Variants in TOX2 observed in about 807,000 individuals in gnomAD.
TOX2 encodes the protein granulosa cell HMG box 1.
TOX2 carries 15 observed loss-of-function variants against 47.4 expected under a neutral mutation model. That is an observed-to-expected ratio of 0.32 (90% CI 0.21 to 0.49). TOX2 has a LOEUF of 0.49. Among genes scored for constraint, TOX2 ranks in the 20% least tolerant of loss-of-function variants. TOX2 has a pLI of 0.99. For missense variants in TOX2, 622 were observed against 673.1 expected, an observed-to-expected ratio of 0.92 and a Z score of 0.84; for synonymous variants, 290 against 296.6, an observed-to-expected ratio of 0.98 and a Z score of 0.23.
chr20:44,049,075 T>C (rs1441765104), intron 3 of TOX2, among the ~76,000 whole-genome samples: 1 of 152,200 alleles, frequency 6.6e-6, no homozygotes, highest in Non-Finnish European at 1.5e-5. Flanking sequence ...GCCACTGCAC[T>C]CCAGCCTGCG....
At chr20:43,945,564 G>A (rs2069454176) in intron 1 of TOX2, 4 of 255,030 alleles carry the variant, frequency 1.6e-5, no homozygotes, top group Admixed American at 9.5e-5. Flanking sequence ...TTTGCCTTCC[G>A]AAGGCTCTTC....
intron 8 of TOX2, 34 bp from the exon 9 acceptor site, chr20:44,068,616 C>G: frequency 6.2e-7 from 1 of 1,600,866 alleles, no homozygotes; most frequent in Non-Finnish European, 8.5e-7. Flanking sequence ...GAGAGGTACC[C>G]AACAGCTTTG....
intron 4 of TOX2, among the ~76,000 whole-genome samples, chr20:44,053,023 C>T (rs540807892): frequency 6.6e-6 from 1 of 152,310 alleles, no homozygotes; most frequent in East Asian, 1.9e-4. Flanking sequence ...GCCTACTGGC[C>T]CATGGCTTTG....
At chr20:43,926,270 C>T (rs527743291) in intron 1 of TOX2, among the ~76,000 whole-genome samples, 51 of 152,258 alleles carry the variant, frequency 3.3e-4, no homozygotes, top group Admixed American at 8.5e-4. Flanking sequence ...GTCTCCCACC[C>T]CCACTCCCAT....
At chr20:43,972,964 C>G (rs1248300136) in intron 1 of TOX2, among the ~76,000 whole-genome samples, 1 of 152,190 alleles carries the variant, frequency 6.6e-6, no homozygotes, top group East Asian at 1.9e-4. Flanking sequence ...TGTTCTTGGC[C>G]TCCCCCAGCA....
intron 2 of TOX2, among the ~76,000 whole-genome samples, chr20:43,980,399 C>T (rs1404506655): frequency 6.6e-6 from 1 of 151,990 alleles, no homozygotes; most frequent in Non-Finnish European, 1.5e-5. Flanking sequence ...AGAGGGGGGA[C>T]ATGGGGATGA....
intron 2 of TOX2, among the ~76,000 whole-genome samples, chr20:43,990,016 T>C (rs961466131): frequency 2.6e-5 from 4 of 152,120 alleles, no homozygotes; most frequent in Admixed American, 1.3e-4. Context: ...AACCATTGAG[T>C]TGGAATCATG....
chr20:43,988,579 A>G (rs2070312971), intron 2 of TOX2, among the ~76,000 whole-genome samples: 1 of 152,244 alleles, frequency 6.6e-6, no homozygotes, highest in Non-Finnish European at 1.5e-5. Flanking sequence ...GCACACACAA[A>G]TGAGATTTTA....
chr20:44,022,717 G>A (rs913514708), intron 3 of TOX2, among the ~76,000 whole-genome samples: 18 of 152,172 alleles, frequency 1.2e-4, no homozygotes, highest in Admixed American at 1.0e-3. Context: ...CACACTGTGA[G>A]CCCCTCAGCC....
chr20:43,914,862 G>A lies in TOX2; in HGVS notation c.-30G>A. 1.0e-6 allele frequency: 1 copy of A among 958,982 alleles called. No homozygotes were observed. Among genetic ancestry groups the A allele is most frequent in the Non-Finnish European group, 1.2e-6 (1 of 806,742 alleles). 59.4% of individuals were successfully genotyped at this position (958,982 alleles called of 1,614,324 possible). ...GCCGCCCGCCCAGGCACTGCCCGCG[G>A]GAGCCGCCGCCGCCGCCGCCGCGCC... is the stretch of plus-strand genomic sequence containing the variant. On this transcript the variant is annotated 5_prime_UTR_variant, in exon 1 of 9. Transcript: ENST00000341197. The surrounding 1 kb of genome is among the most constrained non-coding windows in gnomAD (Gnocchi z 4.5).
intron 3 of TOX2, among the ~76,000 whole-genome samples, chr20:44,042,100 A>G (rs1160774041): frequency 6.6e-6 from 1 of 152,248 alleles, no homozygotes; most frequent in African/African-American, 2.4e-5. Context: ...ACAGTTCCAC[A>G]GGGCTGGGGA....
intron 2 of TOX2, among the ~76,000 whole-genome samples, chr20:43,994,553 T>G (rs1248738075): frequency 6.6e-5 from 10 of 152,146 alleles, no homozygotes. Flanking sequence ...CTCTTCTCAT[T>G]CAGATGCTGT....
At chr20:44,058,122 C>CT (rs920513411) in intron 5 of TOX2, among the ~76,000 whole-genome samples, 3 of 152,238 alleles carry the variant, frequency 2.0e-5, no homozygotes, top group Non-Finnish European at 4.4e-5. Context: ...TCCACAGACA[C>CT]TTTGAAGGAT....
intron 2 of TOX2, among the ~76,000 whole-genome samples, chr20:43,996,605 C>T (rs1308362418): frequency 6.6e-6 from 1 of 152,030 alleles, no homozygotes; most frequent in African/African-American, 2.4e-5. Context: ...ATGGAAATGC[C>T]ATTTTCTACT....
intron 1 of TOX2, among the ~76,000 whole-genome samples, chr20:43,947,896 G>C (rs1401685014): frequency 6.6e-6 from 1 of 152,192 alleles, no homozygotes; most frequent in African/African-American, 2.4e-5. Context: ...TCTTGGAAGG[G>C]AGAGAGTGGC....
At chr20:44,022,236 A>G (rs2070987651) in intron 3 of TOX2, among the ~76,000 whole-genome samples, 1 of 152,146 alleles carries the variant, frequency 6.6e-6, no homozygotes, top group South Asian at 2.1e-4. Flanking sequence ...GGACTTGGAG[A>G]GAACTGGATT....
In TOX2 at chr20:44,062,848, C is replaced by T. The variant is rs1171037233; in HGVS notation, c.880-1929C>T. Among the ~76,000 whole-genome samples, 3 of 152,102 alleles carry T rather than the reference C, an allele frequency of 2.0e-5. No individual in the cohort carries two copies. The South Asian group carries it at 6.2e-4, about 32-fold the overall frequency. ...AGATATAAAGCCAAATCCTTACAAC[C>T]AACTGATCTTTAACAAAGCAAACAA... On this transcript the variant is annotated intron_variant, in intron 5 of 8. Transcript: ENST00000341197.
chr20:44,027,792 G>C (rs979573288), intron 3 of TOX2, among the ~76,000 whole-genome samples: 3 of 152,212 alleles, frequency 2.0e-5, no homozygotes, highest in South Asian at 4.1e-4. Flanking sequence ...CCAGTGGGGA[G>C]CAGGACAAGC....
intron 3 of TOX2, among the ~76,000 whole-genome samples, chr20:44,020,240 G>A (rs539925707): frequency 1.8e-4 from 28 of 152,296 alleles, no homozygotes; most frequent in South Asian, 6.2e-4. Context: ...AGTGTGAACT[G>A]TGAATCAGTC....
Sources: allele counts gnomAD v4.1 joint callset (sites outside exome capture counted in the v4.1 genomes callset), GRCh38; gene constraint gnomAD v4.1.1; non-coding constraint Gnocchi (gnomAD v3.1); transcripts MANE v1.5; gene names NCBI Gene and HGNC (gene_info 2026-07-23, HGNC 2026-07-21).